Variants in CASZ1 observed in about 807,000 individuals in gnomAD.
CASZ1 encodes zinc finger protein castor homolog 1.
A neutral mutation model predicts 135.2 loss-of-function variants in CASZ1; 28 were observed. The ratio of observed to expected loss-of-function variants is 0.21; its 90% confidence interval spans 0.15 to 0.28. The LOEUF (loss-of-function observed/expected upper bound fraction) is 0.28, where lower values mean the gene tolerates loss of function less well. Ranked by LOEUF, CASZ1 falls within the 10% of genes least tolerant of loss-of-function variation. The pLI is 1.00. For missense variants in CASZ1, 2,161 were observed against 2,453.3 expected, an observed-to-expected ratio of 0.88 and a Z score of 2.52; for synonymous variants, 1,068 against 1,073.4, an observed-to-expected ratio of 0.99 and a Z score of 0.10.
chr1:10,756,557 G>T lies in CASZ1; in HGVS notation c.-77+4144C>A, dbSNP rs971625831. Among the ~76,000 whole-genome samples the T allele has an allele frequency of 6.6e-5, 10 of 152,252 alleles. No homozygotes were observed. The highest frequency in any genetic ancestry group is 1.3e-4 in the Non-Finnish European group (9 of 68,046). The stretch of plus-strand genomic sequence containing the variant: ...ATGGGGCCTGTCCAGGGGCGCTGGG[G>T]ATCACTGCTATCACAGCATCGATGC... On this transcript the variant is annotated intron_variant, in intron 2 of 20. Coordinates refer to ENST00000377022, the MANE Select transcript of CASZ1 (RefSeq NM_001079843.3). This position sits in a 1 kb window ranked among gnomAD's most constrained non-coding sequence, Gnocchi z 5.9.
At chr1:10,784,541 C>T (rs1640821525) in intron 1 of CASZ1, among the ~76,000 whole-genome samples, 1 of 152,148 alleles carries the variant, frequency 6.6e-6, no homozygotes, top group Admixed American at 6.5e-5. Flanking sequence ...CCCTACCTCC[C>T]AGCCCAAGAG....
At position 10,646,001 on chromosome 1, in the gene CASZ1, G is replaced by T. The variant is rs1413612376; in HGVS notation, c.3696+127C>A. ...TGGTGCTCTTTCCAGAGTCCGGGAG[G>T]CCCATTTAAATAAGCAAGGTGTGAG... On this transcript the variant is annotated intron_variant, in intron 17 of 20. Coordinates refer to ENST00000377022, the MANE Select transcript of CASZ1 (RefSeq NM_001079843.3). The surrounding 1 kb of genome is among the most constrained non-coding windows in gnomAD (Gnocchi z 6.4). 1 of 898,324 alleles carries T rather than the reference G, an allele frequency of 1.1e-6. No homozygotes were observed. Among genetic ancestry groups the T allele is most frequent in the Non-Finnish European group, 1.8e-6 (1 of 567,050 alleles). The allele number at this position is 898,324 out of a possible 1,614,324, so 55.6% of individuals were successfully genotyped here. A position where few individuals can be genotyped will look rare whatever the true frequency, so the allele number is the denominator to read the frequency against.
chr1:10,789,568 C>T (rs1412282115), intron 1 of CASZ1, among the ~76,000 whole-genome samples: 2 of 152,146 alleles, frequency 1.3e-5, no homozygotes, highest in East Asian at 1.9e-4. Context: ...CTCTTTCTCT[C>T]TCTCTCTCCC....
At chr1:10,773,319 C>T (rs1640606735) in intron 1 of CASZ1, among the ~76,000 whole-genome samples, 1 of 151,762 alleles carries the variant, frequency 6.6e-6, no homozygotes, top group Non-Finnish European at 1.5e-5. Context: ...GTTAGGCAGC[C>T]TCGGATCTTC....
chr1:10,671,243 G>A (rs1265996675), intron 4 of CASZ1, among the ~76,000 whole-genome samples: 1 of 151,728 alleles, frequency 6.6e-6, no homozygotes, highest in Non-Finnish European at 1.5e-5. Flanking sequence ...ACAGGAAGGG[G>A]AGAAAAAAGA....
In CASZ1 at chr1:10,735,336, A is replaced by G. The variant is rs58824710; in HGVS notation, c.-77+25365T>C. 4.1e-4 allele frequency among the ~76,000 whole-genome samples: 63 copies of G among 152,284 alleles called. 1 individual carries two copies. In the East Asian group the frequency reaches 0.012, roughly 29 times the overall value. The stretch of plus-strand genomic sequence containing the variant: ...TGGGAGAGGGAAAGGTTGAGCCGCC[A>G]CGGGCCCCAAGCTGCATTCTGAGCT... On this transcript the variant is annotated intron_variant, in intron 2 of 20. Coordinates refer to ENST00000377022, the MANE Select transcript of CASZ1 (RefSeq NM_001079843.3). This position sits in a 1 kb window ranked among gnomAD's most constrained non-coding sequence, Gnocchi z 5.1.
chr1:10,733,037 C>T (rs1307702409), intron 2 of CASZ1, among the ~76,000 whole-genome samples: 3 of 152,112 alleles, frequency 2.0e-5, no homozygotes, highest in Non-Finnish European at 1.5e-5. Context: ...GTCCTCGGCC[C>T]CAGGCTTGGC....
intron 1 of CASZ1, among the ~76,000 whole-genome samples, chr1:10,780,985 C>G (rs1490677546): frequency 6.6e-6 from 1 of 152,206 alleles, no homozygotes; most frequent in East Asian, 1.9e-4. Flanking sequence ...AAAATCAACT[C>G]AGCTTCCTTG....
In CASZ1 at chr1:10,709,831, G is replaced by A. The variant is rs1557524238; in HGVS notation, c.-76-4287C>T. ...GGAAGCCCGGAACTTTTACACAGCA[G>A]TTAGCAGGACAATGAGGGGGCCGGC... On this transcript the variant is annotated intron_variant, in intron 2 of 20. Transcript: ENST00000377022. This position sits in a 1 kb window ranked among gnomAD's most constrained non-coding sequence, Gnocchi z 5.1. Among the ~76,000 whole-genome samples the A allele has an allele frequency of 6.6e-6, 1 of 152,198 alleles. No homozygotes were observed. The highest frequency in any genetic ancestry group is 1.5e-5 in the Non-Finnish European group (1 of 68,042).
chr1:10,675,884 C>T (rs1424694879), intron 4 of CASZ1, among the ~76,000 whole-genome samples: 1 of 145,500 alleles, frequency 6.9e-6, no homozygotes, highest in Non-Finnish European at 1.5e-5. Flanking sequence ...CCAAGGTTTG[C>T]AGGGAGCTGG....
chr1:10,697,288 AGAG>A lies in CASZ1; in HGVS notation c.-23-3379_-23-3377del, dbSNP rs1206555177. 6.6e-6 allele frequency among the ~76,000 whole-genome samples: 1 copy of A among 151,856 alleles called. No homozygotes were observed. The highest frequency in any genetic ancestry group is 1.9e-4 in the East Asian group (1 of 5,174). On this transcript the variant is annotated intron_variant, in intron 3 of 20. Transcript: ENST00000377022. The surrounding 1 kb of genome is among the most constrained non-coding windows in gnomAD (Gnocchi z 4.7). ...TCTCTGAGTGTATCTGCTCATACCA[AGAG>A]GAGAGGCATCTTTTGAGGCTATGGC...
At chr1:10,752,646 C>G (rs1640169631) in intron 2 of CASZ1, among the ~76,000 whole-genome samples, 1 of 152,236 alleles carries the variant, frequency 6.6e-6, no homozygotes, top group African/African-American at 2.4e-5. Flanking sequence ...GAGGTCCCAG[C>G]TGCCCTGGAG....
At chr1:10,745,936 G>A (rs1257654505) in intron 2 of CASZ1, among the ~76,000 whole-genome samples, 2 of 152,238 alleles carry the variant, frequency 1.3e-5, no homozygotes, top group Non-Finnish European at 2.9e-5. Context: ...CCTGGTGGCC[G>A]TGGTGCTGGC....
chr1:10,649,322 TGAA>T lies in CASZ1; in HGVS notation c.2993_2995del (p.Val998_Gln999delinsGlu). On this transcript the variant is annotated inframe_deletion, in exon 14 of 21. Coordinates refer to ENST00000377022, the MANE Select transcript of CASZ1 (RefSeq NM_001079843.3). ...CTTCCAGGGCTCTGCCAACTTCTCC[TGAA>T]CCAGCGCCTTCACGGCCTTGCCTAG... The T allele has an allele frequency of 6.3e-7, 1 of 1,596,726 alleles. No individual in the cohort carries two copies. Among genetic ancestry groups the T allele is most frequent in the South Asian group, 1.1e-5 (1 of 88,690 alleles).
chr1:10,789,560 CTT>C (rs1640918137), intron 1 of CASZ1, among the ~76,000 whole-genome samples: 1 of 151,876 alleles, frequency 6.6e-6, no homozygotes, highest in Non-Finnish European at 1.5e-5. Flanking sequence ...CTCTCTCTCT[CTT>C]TCTCTCTCTC....
intron 4 of CASZ1, among the ~76,000 whole-genome samples, chr1:10,670,929 G>C (rs115378896): frequency 6.6e-6 from 1 of 152,294 alleles, no homozygotes; most frequent in African/African-American, 2.4e-5. Flanking sequence ...AAACAGAAGG[G>C]CCTCTAAGTT....
At chr1:10,665,747 C>T (rs1643215559) in intron 4 of CASZ1, among the ~76,000 whole-genome samples, 176 bp from the exon 5 acceptor site, 1 of 152,196 alleles carries the variant, frequency 6.6e-6, no homozygotes, top group Non-Finnish European at 1.5e-5. Context: ...CTATGAGCTC[C>T]GTGGCCATGC....
Position 10,638,975 on chromosome 1 carries a change from G to A in CASZ1, c.5247C>T (p.Pro1749=). Residue 1749 remains proline, a synonymous_variant, in exon 21 of 21, where the codon CCC becomes CCT. Transcript: ENST00000377022. The surrounding 1 kb of genome is among the most constrained non-coding windows in gnomAD (Gnocchi z 5.9). ...ALAALAALGA[P]GPAPTAASSP The stretch of plus-strand genomic sequence containing the variant: ...AGGAGGCTGCAGTGGGCGCGGGGCC[G>A]GGGGCGCCCAGGGCCGCCAGCGCCG... 1.0e-6 allele frequency: 1 copy of A among 980,450 alleles called. No homozygotes were observed. Among genetic ancestry groups the A allele is most frequent in the African/African-American group, 1.8e-5 (1 of 56,374 alleles). 60.7% of individuals were successfully genotyped at this position (980,450 alleles called of 1,614,324 possible).
At chr1:10,715,926 T>C (rs1639378600) in intron 2 of CASZ1, among the ~76,000 whole-genome samples, 1 of 123,500 alleles carries the variant, frequency 8.1e-6, no homozygotes, top group Admixed American at 8.4e-5. Context: ...CAGCACCCAA[T>C]CCGCTTCCCA....
Sources: allele counts gnomAD v4.1 joint callset (sites outside exome capture counted in the v4.1 genomes callset), GRCh38; gene constraint gnomAD v4.1.1; non-coding constraint Gnocchi (gnomAD v3.1); transcripts MANE v1.5; gene names NCBI Gene and HGNC (gene_info 2026-07-23, HGNC 2026-07-21).